Variants in ARRB1 observed in about 807,000 individuals in gnomAD.
ARRB1 encodes beta-arrestin-1.
A neutral mutation model predicts 56.8 loss-of-function variants in ARRB1; 21 were observed. The observed-to-expected ratio is 0.37, with a 90% CI of 0.26 to 0.53. The LOEUF is 0.53. Ranked by LOEUF, ARRB1 falls within the 20% of genes least tolerant of loss-of-function variation. The probability of loss-of-function intolerance (pLI) is 0.88; values close to 1 mark genes in which losing one functional copy is unlikely to be tolerated. For missense variants in ARRB1, 424 were observed against 553.7 expected, an observed-to-expected ratio of 0.77 and a Z score of 2.35; for synonymous variants, 210 against 218.6, an observed-to-expected ratio of 0.96 and a Z score of 0.35.
chr11:75,325,653 A>C (rs1158640602), intron 1 of ARRB1, among the ~76,000 whole-genome samples: 1 of 152,190 alleles, frequency 6.6e-6, no homozygotes, highest in Non-Finnish European at 1.5e-5. Context: ...AAATCTCAAC[A>C]GGCATGACAC....
chr11:75,310,628 C>T (rs1947136067), intron 1 of ARRB1, among the ~76,000 whole-genome samples: 1 of 152,154 alleles, frequency 6.6e-6, no homozygotes, highest in Admixed American at 6.5e-5. Flanking sequence ...TCCTTCAGCA[C>T]CTTCCTTTGG....
Position 75,266,078 on chromosome 11 carries a change from A to G in ARRB1, c.*85T>C, listed in dbSNP as rs1945899736. 2.4e-6 allele frequency: 3 copies of G among 1,240,356 alleles called. No individual in the cohort carries two copies. The highest frequency in any genetic ancestry group is 1.8e-5 in the Admixed American group (1 of 56,174). 76.8% of individuals were successfully genotyped at this position (1,240,356 alleles called of 1,614,324 possible). On this transcript the variant is annotated 3_prime_UTR_variant, in exon 16 of 16. Transcript: ENST00000420843. ...TAGAAACTGGAAGAACAAAGGGGAA[A>G]AGAAACCAGAACAGGAAGAAGACGA...
At chr11:75,288,641 A>T (rs1946538038) in intron 2 of ARRB1, among the ~76,000 whole-genome samples, 1 of 141,140 alleles carries the variant, frequency 7.1e-6, no homozygotes, top group Admixed American at 7.2e-5. Flanking sequence ...TTTGAGATGG[A>T]GTCTCCCTCT....
At chr11:75,267,610 C>CCCCG in intron 15 of ARRB1, 42 bp downstream of exon 15, 1 of 1,386,888 alleles carries the variant, frequency 7.2e-7, no homozygotes, top group Non-Finnish European at 1.0e-6. Context: ...CCCGCCCACC[C>CCCCG]GCGGCCCACC....
At chr11:75,325,317 CTTTGTT>C (rs770456118) in intron 1 of ARRB1, among the ~76,000 whole-genome samples, 7 of 152,100 alleles carry the variant, frequency 4.6e-5, no homozygotes, top group Non-Finnish European at 8.8e-5. Context: ...AGGCAGTTTA[CTTTGTT>C]TTTGTTTTTG....
At chr11:75,290,804 C>T (rs1198972003) in intron 1 of ARRB1, among the ~76,000 whole-genome samples, 5 of 152,142 alleles carry the variant, frequency 3.3e-5, no homozygotes, top group African/African-American at 9.7e-5. Context: ...TGGGGTTTCA[C>T]CAAATTGCTC....
intron 13 of ARRB1, among the ~76,000 whole-genome samples, chr11:75,269,456 C>T (rs74700483): frequency 1.3e-5 from 2 of 152,318 alleles, no homozygotes; most frequent in Non-Finnish European, 2.9e-5. Context: ...AGCACCCCTG[C>T]AATCTGGATG....
At chr11:75,293,174 T>A (rs1208676595) in intron 1 of ARRB1, among the ~76,000 whole-genome samples, 1 of 152,122 alleles carries the variant, frequency 6.6e-6, no homozygotes, top group African/African-American at 2.4e-5. Flanking sequence ...GAAGCAGGAC[T>A]CTGATGGCTT....
intron 1 of ARRB1, among the ~76,000 whole-genome samples, chr11:75,342,397 G>A (rs546569135): frequency 2.6e-5 from 4 of 152,340 alleles, no homozygotes; most frequent in African/African-American, 9.6e-5. Context: ...ACCGCAGCCT[G>A]CTGGATGCAG....
At chr11:75,332,925 C>T (rs1947544121) in intron 1 of ARRB1, among the ~76,000 whole-genome samples, 1 of 151,948 alleles carries the variant, frequency 6.6e-6, no homozygotes. Context: ...AGCCTGGAAG[C>T]TCCCCCCAAC....
At chr11:75,301,772 G>A (rs1196530752) in intron 1 of ARRB1, among the ~76,000 whole-genome samples, 1 of 152,190 alleles carries the variant, frequency 6.6e-6, no homozygotes, top group African/African-American at 2.4e-5. Flanking sequence ...TGGTAGCAGA[G>A]TTATTTGTGT....
At chr11:75,267,002 G>T (rs1323920414) in intron 15 of ARRB1, among the ~76,000 whole-genome samples, 1 of 152,194 alleles carries the variant, frequency 6.6e-6, no homozygotes, top group Non-Finnish European at 1.5e-5. Flanking sequence ...GACCATGCAG[G>T]TGTCCACCTG....
chr11:75,271,855 A>AC, intron 12 of ARRB1, 131 bp from the exon 13 acceptor site: 1 of 910,774 alleles, frequency 1.1e-6, no homozygotes, highest in Non-Finnish European at 1.6e-6. Flanking sequence ...ACTCCCACCC[A>AC]CCCCCCTGCA....
In ARRB1 at chr11:75,306,718, A is replaced by G. The variant is rs181825944; in HGVS notation, c.21-16679T>C. On this transcript the variant is annotated intron_variant, in intron 1 of 15. Transcript: ENST00000420843. ...GCAGGCTCAGCTCTCCCCAGCCCCA[A>G]GTGAGGGGTTAGTTACAAAGAAAAG... The G allele has an allele frequency of 3.0e-3, 3,647 of 1,224,228 alleles. 19 individuals carry two copies. The highest frequency in any genetic ancestry group is 8.4e-3 in the South Asian group (616 of 73,162). The allele number at this position is 1,224,228 out of a possible 1,614,324, so 75.8% of individuals were successfully genotyped here. A position where few individuals can be genotyped will look rare whatever the true frequency, so the allele number is the denominator to read the frequency against.
rs1404946131 is a variant in ARRB1, at chr11:75,262,346, G to C, written c.*3817C>G. On this transcript the variant is annotated 3_prime_UTR_variant, in exon 16 of 16. Coordinates refer to ENST00000420843, the MANE Select transcript of ARRB1 (RefSeq NM_004041.5). ...CTCCACCAATCACTGACAATATCCAGGTCTTCCCTCTGTGTCCTGGTTGCT... is the reference window on the plus strand; with the variant it reads ...CTCCACCAATCACTGACAATATCCACGTCTTCCCTCTGTGTCCTGGTTGCT... 1 of 152,250 alleles carries C rather than the reference G, an allele frequency of 6.6e-6. No individual in the cohort carries two copies. The highest frequency in any genetic ancestry group is 1.5e-5 in the Non-Finnish European group (1 of 68,080). The allele number at this position is 152,250 out of a possible 1,614,324, so 9.4% of individuals were successfully genotyped here.
chr11:75,300,008 C>G (rs1161682464), intron 1 of ARRB1, among the ~76,000 whole-genome samples: 1 of 151,828 alleles, frequency 6.6e-6, no homozygotes, highest in Non-Finnish European at 1.5e-5. Context: ...AGTTTGAGAC[C>G]AGCCTGGCCA....
intron 1 of ARRB1, among the ~76,000 whole-genome samples, chr11:75,320,066 C>T (rs1947323122): frequency 6.6e-6 from 1 of 152,196 alleles, no homozygotes; most frequent in African/African-American, 2.4e-5. Flanking sequence ...CAGGAGGCAG[C>T]CCTGGAGTGG....
chr11:75,330,131 CTCTT>C (rs1356983644), intron 1 of ARRB1, among the ~76,000 whole-genome samples: 1 of 152,236 alleles, frequency 6.6e-6, no homozygotes. Context: ...TCTAGCCTCT[CTCTT>C]CTAGTCTATT....
chr11:75,264,836 G>A lies in ARRB1; in HGVS notation c.*1327C>T, dbSNP rs916195698. On this transcript the variant is annotated 3_prime_UTR_variant, in exon 16 of 16. Transcript: ENST00000420843. ...AGTCACACAGTAAGTTATTCTCAAA[G>A]GCCAGGCAAAGAGGATAACTCCTAA... The A allele has an allele frequency of 6.6e-6, 1 of 152,228 alleles. No individual in the cohort carries two copies. Among genetic ancestry groups the A allele is most frequent in the Non-Finnish European group, 1.5e-5 (1 of 68,068 alleles). 9.4% of individuals were successfully genotyped at this position (152,228 alleles called of 1,614,324 possible).
Sources: gnomAD v4.1 joint callset for allele counts (sites outside exome capture counted in the v4.1 genomes callset) on GRCh38, gnomAD v4.1.1 for gene constraint, MANE v1.5 for transcripts, NCBI Gene and HGNC (gene_info 2026-07-23, HGNC 2026-07-21) for gene names.